The following KCNH7 variants were observed in gnomAD, a reference collection of about 807,000 sequenced individuals.
KCNH7 encodes the protein potassium voltage-gated channel subfamily H member 7, also known as voltage-gated inwardly rectifying potassium channel KCNH7.
Under a neutral mutation model 120.8 loss-of-function variants are expected in KCNH7, and 49 were observed. The observed-to-expected ratio is 0.41, with a 90% confidence interval of 0.32 to 0.51. The LOEUF is 0.51. Among genes scored for constraint, KCNH7 ranks in the 20% least tolerant of loss-of-function variants. The pLI is 0.38. For missense variants in KCNH7, 1,097 were observed against 1,446.6 expected (o/e 0.76, Z 3.92); for synonymous variants, 547 against 516.1 (o/e 1.06, Z -0.81).
intron 2 of KCNH7, among the ~76,000 whole-genome samples, chr2:162,685,457 C>T (rs1041710502): frequency 2.0e-5 from 3 of 151,678 alleles, no homozygotes; most frequent in South Asian, 2.1e-4. Flanking sequence ...AATAAAATCC[C>T]GACTGAATAT....
chr2:162,821,474 T>C (rs1161575477), intron 2 of KCNH7, among the ~76,000 whole-genome samples: 9 of 152,238 alleles, frequency 5.9e-5, no homozygotes, highest in Admixed American at 3.9e-4. Context: ...ATCACAAGAA[T>C]GAGTGGCTAC....
intron 14 of KCNH7, among the ~76,000 whole-genome samples, chr2:162,378,618 A>C (rs1466582234): frequency 6.6e-6 from 1 of 152,246 alleles, no homozygotes; most frequent in African/African-American, 2.4e-5. Flanking sequence ...CAACGATAGA[A>C]ATATGTAACA....
chr2:162,818,787 C>T (rs933018571), intron 2 of KCNH7, among the ~76,000 whole-genome samples: 1 of 152,200 alleles, frequency 6.6e-6, no homozygotes, highest in East Asian at 1.9e-4. Flanking sequence ...GTGCTATTTA[C>T]AGGGTATTGT....
chr2:162,525,442 G>C (rs912899190), intron 3 of KCNH7, among the ~76,000 whole-genome samples: 9 of 151,840 alleles, frequency 5.9e-5, no homozygotes, highest in African/African-American at 2.2e-4. Context: ...AGGGAGATAG[G>C]GCAGAAGACA....
chr2:162,763,728 AGTGTGTGTGTGT>A lies in KCNH7; in HGVS notation c.307+72797_307+72808del, dbSNP rs72350942. The stretch of plus-strand genomic sequence containing the variant: ...ATTAATCTGGAAGGAAGGCATTTGC[AGTGTGTGTGTGT>A]GTGTGTGTGTGTGTGTGTGTGTGTG... On this transcript the variant is annotated intron_variant, in intron 2 of 15. Transcript: ENST00000332142. 5.1e-3 allele frequency among the ~76,000 whole-genome samples: 714 copies of A among 139,322 alleles called. 5 individuals are homozygous for A. The highest frequency in any genetic ancestry group is 0.015 in the African/African-American group (554 of 38,000). 91.4% of individuals were successfully genotyped at this position (139,322 alleles called of 152,430 possible). A position where few individuals can be genotyped will look rare whatever the true frequency, so the allele number is the denominator to read the frequency against.
chr2:162,551,453 C>T (rs1221123113), intron 2 of KCNH7, among the ~76,000 whole-genome samples: 2 of 151,608 alleles, frequency 1.3e-5, no homozygotes, highest in African/African-American at 4.8e-5. Context: ...TGAAGTTCAG[C>T]TGTAAAGTAA....
At chr2:162,749,597 C>T (rs1486155412) in intron 2 of KCNH7, among the ~76,000 whole-genome samples, 1 of 152,082 alleles carries the variant, frequency 6.6e-6, no homozygotes, top group East Asian at 1.9e-4. Context: ...GAGGGGTTAA[C>T]AAATAATTTT....
chr2:162,709,610 C>T (rs888277238), intron 2 of KCNH7, among the ~76,000 whole-genome samples: 3 of 151,956 alleles, frequency 2.0e-5, no homozygotes, highest in Non-Finnish European at 4.4e-5. Flanking sequence ...TACATTCTGT[C>T]CCTCTCTTCT....
At chr2:162,811,454 AT>A (rs1458356200) in intron 2 of KCNH7, among the ~76,000 whole-genome samples, 1 of 152,052 alleles carries the variant, frequency 6.6e-6, no homozygotes, top group East Asian at 1.9e-4. Context: ...CCTTCTGGCA[AT>A]TTTTTGATAC....
intron 2 of KCNH7, among the ~76,000 whole-genome samples, chr2:162,658,493 T>A (rs1684848311): frequency 6.6e-6 from 1 of 152,168 alleles, no homozygotes; most frequent in Admixed American, 6.5e-5. Context: ...CTTTTCCATA[T>A]AAACCTTAGA....
chr2:162,797,431 T>C (rs1684184706), intron 2 of KCNH7: 1 of 152,024 alleles, frequency 6.6e-6, no homozygotes, highest in Non-Finnish European at 1.5e-5. Context: ...GAATGAAAAA[T>C]TCACATATCT....
At chr2:162,469,603 G>A (rs1039625522) in intron 6 of KCNH7, among the ~76,000 whole-genome samples, 1 of 152,160 alleles carries the variant, frequency 6.6e-6, no homozygotes, top group Non-Finnish European at 1.5e-5. Flanking sequence ...GGTGGGGTGA[G>A]AGCTGTGGTC....
intron 8 of KCNH7, among the ~76,000 whole-genome samples, chr2:162,433,516 T>A (rs1688138824): frequency 6.6e-6 from 1 of 151,872 alleles, no homozygotes; most frequent in Non-Finnish European, 1.5e-5. Flanking sequence ...TTGATGAAAA[T>A]AAGCAATGTA....
chr2:162,715,381 C>T (rs1001322074), intron 2 of KCNH7, among the ~76,000 whole-genome samples: 2 of 152,156 alleles, frequency 1.3e-5, no homozygotes, highest in African/African-American at 4.8e-5. Flanking sequence ...CCCCATGATT[C>T]AAACATCTCC....
chr2:162,752,902 G>GAAAAAAGAAAGAAA lies in KCNH7; in HGVS notation c.307+83634_307+83635insTTTCTTTCTTTTTT, dbSNP rs140501872. On this transcript the variant is annotated intron_variant, in intron 2 of 15. Transcript: ENST00000332142. ...GGCAAAAGAGCAAGACTACATCTCA[G>GAAAAAAGAAAGAAA]AAAAAGAAAAGAAAAGAAAAGAAAA... is the stretch of plus-strand genomic sequence containing the variant. 1.1e-4 allele frequency among the ~76,000 whole-genome samples: 7 copies of GAAAAAAGAAAGAAA among 61,280 alleles called. No individual in the cohort carries two copies. The South Asian group carries it at 2.9e-3, about 25-fold the overall frequency. The allele number at this position is 61,280 out of a possible 152,430, so 40.2% of individuals were successfully genotyped here. A position where few individuals can be genotyped will look rare whatever the true frequency, so the allele number is the denominator to read the frequency against.
At chr2:162,552,959 C>T (rs12479332) in intron 2 of KCNH7, among the ~76,000 whole-genome samples, 13,331 of 152,146 alleles carry the variant, frequency 0.088, 643 homozygotes, top group East Asian at 0.12. Context: ...ACACCCAGCC[C>T]GACTTCTGAC....
In KCNH7 at chr2:162,789,276, A is replaced by G. The variant is rs545779864; in HGVS notation, c.307+47261T>C. Among the ~76,000 whole-genome samples, 12 of 152,084 alleles carry G rather than the reference A, an allele frequency of 7.9e-5. No homozygotes were observed. In the South Asian group the frequency reaches 2.3e-3, roughly 29 times the overall value. On this transcript the variant is annotated intron_variant, in intron 2 of 15. Coordinates refer to ENST00000332142, the MANE Select transcript of KCNH7 (RefSeq NM_033272.4). Reference sequence around the variant, plus strand: ...ATGTTTGACTTTAATATAAAAGTTAAAAGACAAGACTATTAAAATTAATAT... The same window carrying G: ...ATGTTTGACTTTAATATAAAAGTTAGAAGACAAGACTATTAAAATTAATAT...
chr2:162,831,724 T>C (rs1313239974), intron 2 of KCNH7, among the ~76,000 whole-genome samples: 1 of 152,146 alleles, frequency 6.6e-6, no homozygotes, highest in Admixed American at 6.6e-5. Flanking sequence ...TAAAAGCAAG[T>C]TTCTCCTGTT....
At chr2:162,558,965 GA>G (rs1437558052) in intron 2 of KCNH7, among the ~76,000 whole-genome samples, 2 of 143,414 alleles carry the variant, frequency 1.4e-5, no homozygotes, top group Non-Finnish European at 3.0e-5. Context: ...TGAGGCAGGA[GA>G]ATGGCGTGAA....
Sources: allele counts gnomAD v4.1 joint callset (sites outside exome capture counted in the v4.1 genomes callset), GRCh38; gene constraint gnomAD v4.1.1; transcripts MANE v1.5; gene names NCBI Gene and HGNC (gene_info 2026-07-23, HGNC 2026-07-21).